The following RALA variants were observed in gnomAD, a reference collection of about 807,000 sequenced individuals.
RALA encodes the protein RAS like proto-oncogene A, also known as ras-related protein Ral-A.
In RALA, 5 loss-of-function variants were observed where a neutral mutation model predicts 24.0. The observed-to-expected ratio is 0.21, with a 90% CI of 0.11 to 0.44. The LOEUF (loss-of-function observed/expected upper bound fraction) is 0.44. Among genes scored for constraint, RALA ranks in the 20% least tolerant of loss-of-function variants. The pLI is 0.99. For synonymous variants in RALA, 77 were observed against 83.8 expected, an observed-to-expected ratio of 0.92 and a Z score of 0.44; for missense variants, 95 against 241.2, an observed-to-expected ratio of 0.39 and a Z score of 4.01.
At chr7:39,660,400 A>AT (rs1219358753) in intron 1 of RALA, among the ~76,000 whole-genome samples, 13 of 152,266 alleles carry the variant, frequency 8.5e-5, no homozygotes, top group Middle Eastern at 3.4e-3. Context: ...TTAGAAATAC[A>AT]TAACACTTAT....
At chr7:39,704,822 C>T (rs1357041238) in intron 4 of RALA, among the ~76,000 whole-genome samples, 5 of 151,104 alleles carry the variant, frequency 3.3e-5, no homozygotes, top group African/African-American at 1.2e-4. Context: ...ATTACAAGTG[C>T]CCGCCACCAC....
chr7:39,666,370 GTGATGAACTCAAA>G (rs1174314814), intron 1 of RALA, among the ~76,000 whole-genome samples: 1 of 152,196 alleles, frequency 6.6e-6, no homozygotes, highest in Non-Finnish European at 1.5e-5. Flanking sequence ...GTGTTGGAAG[GTGATGAACTCAAA>G]TGGTAGGATT....
chr7:39,684,646 C>T (rs1375349476), intron 1 of RALA, among the ~76,000 whole-genome samples: 2 of 149,716 alleles, frequency 1.3e-5, no homozygotes, highest in Non-Finnish European at 3.0e-5. Flanking sequence ...CTGGCTTCCC[C>T]GGGCCACATT....
intron 1 of RALA, among the ~76,000 whole-genome samples, chr7:39,681,401 T>C (rs1792600951): frequency 7.3e-6 from 1 of 137,924 alleles, no homozygotes; most frequent in South Asian, 2.5e-4. Flanking sequence ...CTTGGCTCAC[T>C]GGAGCCTCCC....
At chr7:39,642,759 C>T (rs1341373799) in intron 1 of RALA, among the ~76,000 whole-genome samples, 1 of 152,146 alleles carries the variant, frequency 6.6e-6, no homozygotes, top group Non-Finnish European at 1.5e-5. Flanking sequence ...ATTTAGTAGA[C>T]GTATTTTTGA....
chr7:39,700,290 A>C (rs1446899017), intron 4 of RALA: 1 of 152,232 alleles, frequency 6.6e-6, no homozygotes, highest in Admixed American at 6.5e-5. Context: ...TCTGCTCTAC[A>C]GTGTCTGCTG....
chr7:39,658,474 G>GTA lies in RALA; in HGVS notation c.-37-28144_-37-28143dup, dbSNP rs368096429. 4.5e-3 allele frequency among the ~76,000 whole-genome samples: 685 copies of GTA among 151,058 alleles called. 6 individuals are homozygous for GTA. Among genetic ancestry groups the GTA allele is most frequent in the East Asian group, 0.014 (70 of 5,146 alleles). On this transcript the variant is annotated intron_variant, in intron 1 of 4. Coordinates refer to ENST00000005257, the MANE Select transcript of RALA (RefSeq NM_005402.4). ...CCATATGAAACTGCTGTTTTTGTAT[G>GTA]TATATATATATATAATGTTTGCAGT...
chr7:39,678,259 G>A (rs1430780654), intron 1 of RALA, among the ~76,000 whole-genome samples: 1 of 151,910 alleles, frequency 6.6e-6, no homozygotes, highest in Non-Finnish European at 1.5e-5. Flanking sequence ...ATAAATGTGT[G>A]TTGTTTTAAG....
At chr7:39,660,324 C>A (rs1792165914) in intron 1 of RALA, among the ~76,000 whole-genome samples, 1 of 148,300 alleles carries the variant, frequency 6.7e-6, no homozygotes, top group African/African-American at 2.5e-5. Context: ...CCAGCTGGGG[C>A]AACAGAGACT....
chr7:39,652,132 G>C (rs145780355), intron 1 of RALA, among the ~76,000 whole-genome samples: 7 of 152,312 alleles, frequency 4.6e-5, no homozygotes, highest in Non-Finnish European at 8.8e-5. Context: ...GAGGAGGAAT[G>C]TGGTGTCCTC....
chr7:39,649,106 A>G (rs750478464), intron 1 of RALA, among the ~76,000 whole-genome samples: 2 of 152,162 alleles, frequency 1.3e-5, no homozygotes, highest in Admixed American at 1.3e-4. Flanking sequence ...TGAGCAACCT[A>G]AAGAATGAGG....
At chr7:39,690,669 G>A in intron 3 of RALA, 79 bp downstream of exon 3, 2 of 1,108,812 alleles carry the variant, frequency 1.8e-6, no homozygotes, top group African/African-American at 1.6e-5. Context: ...ACAACTAGAG[G>A]TTCTAACTTG....
intron 4 of RALA, chr7:39,700,395 G>GA (rs1167790395): frequency 1.3e-5 from 2 of 152,212 alleles, no homozygotes; most frequent in Non-Finnish European, 2.9e-5. Context: ...AGATGATGCT[G>GA]GCCATTATCC....
At chr7:39,656,095 TG>T (rs1473667898) in intron 1 of RALA, among the ~76,000 whole-genome samples, 1 of 152,208 alleles carries the variant, frequency 6.6e-6, no homozygotes, top group East Asian at 1.9e-4. Flanking sequence ...ATAGTTTTTT[TG>T]TAGTGGCAGA....
In RALA at chr7:39,690,550, A is replaced by G; in HGVS notation, c.283A>G (p.Ile95Val). 2 of 1,613,758 alleles carry G rather than the reference A, an allele frequency of 1.2e-6. No individual in the cohort carries two copies. The highest frequency in any genetic ancestry group is 1.3e-5 in the African/African-American group (1 of 75,008). ...GGAGGGGTTCCTCTGTGTTTTCTCT[A>G]TTACAGAAATGGAATCCTTTGCAGC... ...SGEGFLCVFS[I>V]TEMESFAATA... The change falls in exon 3 of 5, where the codon ATT becomes GTT. Residue 95 changes from isoleucine (I) to valine (V), a missense_variant. Physicochemically the swap from Ile to Val is conservative, Grantham distance 29. Transcript: ENST00000005257.
chr7:39,663,044 T>C lies in RALA; in HGVS notation c.-37-23587T>C, dbSNP rs149196727. Among the ~76,000 whole-genome samples, 26 of 152,298 alleles carry C rather than the reference T, an allele frequency of 1.7e-4. 1 individual carries two copies. The East Asian group carries it at 4.4e-3, about 26-fold the overall frequency. On this transcript the variant is annotated intron_variant, in intron 1 of 4. Transcript: ENST00000005257. ...AGAGAGCCAAGCTAAGTGAGACTTA[T>C]TCACTACCATAAGAATAGTGTGGGG...
At chr7:39,659,320 A>T (rs968707019) in intron 1 of RALA, among the ~76,000 whole-genome samples, 2 of 152,198 alleles carry the variant, frequency 1.3e-5, no homozygotes, top group Non-Finnish European at 2.9e-5. Flanking sequence ...TCTTAAATTT[A>T]GATTTTTCAG....
intron 1 of RALA, among the ~76,000 whole-genome samples, chr7:39,625,427 A>C (rs1562604151): frequency 6.6e-6 from 1 of 152,230 alleles, no homozygotes; most frequent in Non-Finnish European, 1.5e-5. Flanking sequence ...GGGGTTGATA[A>C]CTGTACCCTA....
rs146829597 is a variant in RALA at position 39,682,081 on chromosome 7, G to A, written c.-37-4550G>A. Among the ~76,000 whole-genome samples the A allele has an allele frequency of 1.8e-4, 27 of 152,258 alleles. 1 individual carries two copies. The highest frequency in any genetic ancestry group is 5.1e-4 in the African/African-American group (21 of 41,544). ...GCTCCCTCAGTTTGAATTCTGGCTC[G>A]GTCTTGAGCAAGTTGACATCTGTGA... On this transcript the variant is annotated intron_variant, in intron 1 of 4. Coordinates refer to ENST00000005257, the MANE Select transcript of RALA (RefSeq NM_005402.4).
Sources: gnomAD v4.1 joint callset for allele counts (sites outside exome capture counted in the v4.1 genomes callset) on GRCh38, gnomAD v4.1.1 for gene constraint, MANE v1.5 for transcripts, NCBI Gene and HGNC (gene_info 2026-07-23, HGNC 2026-07-21) for gene names.